The following ITPR1 variants were observed in gnomAD, a reference collection of about 807,000 sequenced individuals.
ITPR1 encodes the protein inositol 1,4,5-trisphosphate receptor type 1.
Under a neutral mutation model 318.4 loss-of-function variants are expected in ITPR1, and 96 were observed. The ratio of observed to expected loss-of-function variants is 0.30; its 90% confidence interval spans 0.26 to 0.36. The LOEUF (loss-of-function observed/expected upper bound fraction) is 0.36, where lower values mean the gene tolerates loss of function less well. ITPR1 is among the 10% of genes least tolerant of loss of function. The pLI is 1.00. For missense variants in ITPR1, 2,440 were observed against 3,460.2 expected, an observed-to-expected ratio of 0.71 and a Z score of 7.40; for synonymous variants, 1,312 against 1,289.9, an observed-to-expected ratio of 1.02 and a Z score of -0.37.
chr3:4,671,244 G>A (rs116352694), intron 20 of ITPR1, among the ~76,000 whole-genome samples: 99 of 152,244 alleles, frequency 6.5e-4, no homozygotes, highest in African/African-American at 8.9e-4. Context: ...CTACCTCTCC[G>A]CTTACCAGTT....
intron 23 of ITPR1, 146 bp downstream of exon 23, chr3:4,675,394 T>C (rs1045634794): frequency 1.5e-5 from 9 of 616,308 alleles, no homozygotes; most frequent in Non-Finnish European, 5.4e-6. Context: ...AAATACTGTG[T>C]AAAGAAAAGC....
chr3:4,723,421 A>T (rs1458441379), intron 40 of ITPR1, among the ~76,000 whole-genome samples: 1 of 152,122 alleles, frequency 6.6e-6, no homozygotes, highest in African/African-American at 2.4e-5. Context: ...GCTTCGTAAA[A>T]TTTTCAAGGG....
chr3:4,691,137 G>A lies in ITPR1; in HGVS notation c.3829-7G>A, dbSNP rs1210880873. 1 of 1,598,036 alleles carries A rather than the reference G, an allele frequency of 6.3e-7. No individual in the cohort carries two copies. Among genetic ancestry groups the A allele is most frequent in the Non-Finnish European group, 8.6e-7 (1 of 1,168,822 alleles). ...TCCCTGTGCTCTTTTCCTCACTCTT[G>A]TGCCAGATCCTGGAGGCAGTAACCA... is the stretch of plus-strand genomic sequence containing the variant. On this transcript the variant is annotated splice_polypyrimidine_tract_variant and splice_region_variant and intron_variant, in intron 31 of 61. Transcript: ENST00000649015.
chr3:4,584,683 G>A (rs748503205), intron 4 of ITPR1, among the ~76,000 whole-genome samples: 2 of 151,980 alleles, frequency 1.3e-5, no homozygotes, highest in South Asian at 2.1e-4. Flanking sequence ...GTGAAGCTCC[G>A]GAACTCACTT....
intron 31 of ITPR1, among the ~76,000 whole-genome samples, chr3:4,690,377 A>G (rs563451330): frequency 3.5e-4 from 53 of 152,348 alleles, no homozygotes; most frequent in Admixed American, 5.9e-4. Flanking sequence ...AAAGTGTTCA[A>G]CATGATTAGA....
intron 7 of ITPR1, among the ~76,000 whole-genome samples, chr3:4,643,615 T>A (rs979490991): frequency 1.3e-5 from 2 of 152,100 alleles, no homozygotes; most frequent in African/African-American, 4.8e-5. Context: ...GGGGTAACTT[T>A]TGTTTTAGTT....
chr3:4,624,490 G>A (rs899445620), intron 4 of ITPR1, among the ~76,000 whole-genome samples: 8 of 151,988 alleles, frequency 5.3e-5, no homozygotes, highest in South Asian at 2.1e-4. Flanking sequence ...CCAACATGGT[G>A]AAACCCCATC....
chr3:4,801,672 G>A (rs997133025), intron 54 of ITPR1, among the ~76,000 whole-genome samples: 6 of 152,146 alleles, frequency 3.9e-5, no homozygotes, highest in African/African-American at 1.4e-4. Flanking sequence ...ACTGAGGCAG[G>A]AGAATCACTT....
At chr3:4,555,279 C>A (rs1048223110) in intron 4 of ITPR1, among the ~76,000 whole-genome samples, 2 of 152,130 alleles carry the variant, frequency 1.3e-5, no homozygotes, top group South Asian at 4.1e-4. Context: ...GGTGACTTAG[C>A]CAAGATTGTA....
chr3:4,729,608 C>T (rs1260007741), intron 42 of ITPR1, among the ~76,000 whole-genome samples: 1 of 152,176 alleles, frequency 6.6e-6, no homozygotes, highest in African/African-American at 2.4e-5. Flanking sequence ...GCTCTCTTCC[C>T]ACGCAGTTCA....
At chr3:4,496,393 A>C (rs2080572507) in intron 2 of ITPR1, among the ~76,000 whole-genome samples, 1 of 152,232 alleles carries the variant, frequency 6.6e-6, no homozygotes, top group Non-Finnish European at 1.5e-5. Context: ...ATCAGAACAG[A>C]AAATCCTTTC....
At chr3:4,837,038 T>A in intron 61 of ITPR1, 103 bp downstream of exon 61, 1 of 1,086,580 alleles carries the variant, frequency 9.2e-7, no homozygotes, top group Non-Finnish European at 1.2e-6. Context: ...GTGCTTCATC[T>A]AGATGGAAAA....
Position 4,815,102 on chromosome 3 carries a change from T to C in ITPR1, c.7751T>C (p.Met2584Thr). ...ATTTATGACCTCTTGTTCTTCTTCA[T>C]GGTCATCATCATTGTTCTTAACCTG... ...RVIYDLLFFF[M>T]VIIIVLNLIF... Residue 2584 changes from methionine (M) to threonine (T), a missense_variant, in exon 59 of 62, where the codon ATG (methionine) becomes ACG (threonine). This residue lies in a region of ITPR1 where 72 missense variants were observed against 197.7 expected (regional missense o/e 0.36). Coordinates refer to ENST00000649015, the MANE Select transcript of ITPR1 (RefSeq NM_001378452.1). The C allele has an allele frequency of 1.2e-6, 2 of 1,613,936 alleles. No individual in the cohort carries two copies. Among genetic ancestry groups the C allele is most frequent in the Non-Finnish European group, 1.7e-6 (2 of 1,179,806 alleles).
chr3:4,562,191 G>T (rs545500241), intron 4 of ITPR1, among the ~76,000 whole-genome samples: 2 of 152,224 alleles, frequency 1.3e-5, no homozygotes, highest in African/African-American at 4.8e-5. Context: ...CCTGGGCCGT[G>T]GGTTGGACAA....
intron 6 of ITPR1, 71 bp from the exon 7 acceptor site, chr3:4,642,022 T>A (rs978665935): frequency 2.4e-6 from 3 of 1,264,428 alleles, no homozygotes; most frequent in Non-Finnish European, 3.2e-6. Flanking sequence ...ATAGTTGGTA[T>A]GATTGAGAGA....
chr3:4,762,590 C>A (rs1456724968), intron 44 of ITPR1, among the ~76,000 whole-genome samples: 1 of 152,202 alleles, frequency 6.6e-6, no homozygotes, highest in African/African-American at 2.4e-5. Context: ...AAATTAACAC[C>A]ATCAGTTTGC....
chr3:4,786,544 C>T (rs1447454940), intron 51 of ITPR1, among the ~76,000 whole-genome samples: 1 of 152,216 alleles, frequency 6.6e-6, no homozygotes, highest in African/African-American at 2.4e-5. Context: ...ACGTTGCATC[C>T]TGGGCCTCAC....
intron 4 of ITPR1, among the ~76,000 whole-genome samples, chr3:4,589,812 A>G (rs1483032651): frequency 6.6e-6 from 1 of 152,142 alleles, no homozygotes; most frequent in African/African-American, 2.4e-5. Flanking sequence ...TGCCTGGGAT[A>G]CATCACAGAC....
chr3:4,663,243 T>A lies in ITPR1; in HGVS notation c.1554+37T>A, dbSNP rs1394403170. 1.9e-6 allele frequency: 3 copies of A among 1,574,668 alleles called. No individual in the cohort carries two copies. The East Asian group carries it at 6.8e-5, about 36-fold the overall frequency. ...GTGGCGTACTGGGGATTTGGCTTTA[T>A]GAGAAATCATAAAGCATGAGTGGTA... is the stretch of plus-strand genomic sequence containing the variant. On this transcript the variant is annotated intron_variant, in intron 16 of 61. Transcript: ENST00000649015.
Sources: gnomAD v4.1 joint callset for allele counts (sites outside exome capture counted in the v4.1 genomes callset) on GRCh38, gnomAD v4.1.1 for gene constraint, gnomAD v4.1.1 regional missense constraint, MANE v1.5 for transcripts, NCBI Gene and HGNC (gene_info 2026-07-23, HGNC 2026-07-21) for gene names.